GRAMD4: variants seen among roughly 807,000 people sequenced by gnomAD.
GRAMD4 encodes GRAM domain-containing protein 4.
In GRAMD4, 25 loss-of-function variants were observed where a neutral mutation model predicts 83.9. The observed-to-expected ratio is 0.30, with a 90% CI of 0.22 to 0.42. The LOEUF (loss-of-function observed/expected upper bound fraction) is 0.42, where lower values mean the gene tolerates loss of function less well. Ranked by LOEUF, GRAMD4 falls within the 10% of genes least tolerant of loss-of-function variation. GRAMD4 has a pLI of 1.00. For missense variants in GRAMD4, 593 were observed against 788.7 expected (o/e 0.75, Z 2.97); for synonymous variants, 336 against 320.9 (o/e 1.05, Z -0.50).
intron 1 of GRAMD4, among the ~76,000 whole-genome samples, chr22:46,596,562 G>A (rs186728963): frequency 1.6e-4 from 25 of 152,084 alleles, no homozygotes; most frequent in Admixed American, 1.4e-3. Flanking sequence ...TTTCTGAGAC[G>A]GAGTCTCATG....
upstream of GRAMD4, chr22:46,576,995 C>G (rs1022009296): frequency 6.9e-6 from 1 of 145,282 alleles, no homozygotes; most frequent in Non-Finnish European, 1.5e-5. Context: ...GGCCGCGGGG[C>G]GGGGGCGGGG....
chr22:46,643,141 T>TCCA (rs2082005534), intron 3 of GRAMD4, among the ~76,000 whole-genome samples: 13 of 4,538 alleles, frequency 2.9e-3, no homozygotes, highest in Admixed American at 0.012. Flanking sequence ...CCATGCATCC[T>TCCA]TCCATCCATC....
intron 3 of GRAMD4, among the ~76,000 whole-genome samples, chr22:46,651,108 C>A (rs531040274): frequency 6.6e-6 from 1 of 152,318 alleles, no homozygotes; most frequent in South Asian, 2.1e-4. Flanking sequence ...AATGAGACGG[C>A]TGATGTGCCT....
chr22:46,625,428 C>G (rs538313917), intron 1 of GRAMD4, among the ~76,000 whole-genome samples: 28 of 152,350 alleles, frequency 1.8e-4, no homozygotes, highest in Non-Finnish European at 3.4e-4. Context: ...CCATGCTGCC[C>G]GCCCCAAGCA....
At chr22:46,582,865 CT>C (rs2081111684) in intron 1 of GRAMD4, among the ~76,000 whole-genome samples, 1 of 152,220 alleles carries the variant, frequency 6.6e-6, no homozygotes, top group Admixed American at 6.5e-5. Flanking sequence ...GAACCTGGGC[CT>C]TCTAGACACT....
Position 46,665,862 on chromosome 22 carries a change from C to T in GRAMD4, c.809+156C>T, listed in dbSNP as rs76980307. Among the ~76,000 whole-genome samples the T allele has an allele frequency of 9.6e-3, 1,468 of 152,318 alleles. 12 individuals are homozygous for T. Among genetic ancestry groups the T allele is most frequent in the African/African-American group, 0.023 (954 of 41,584 alleles). Reference sequence around the variant, plus strand: ...GGCTCCAGAGACCCCCCAGGCAGGGCGGCTGCCCCCTCCCTGGTTTGCTAG... The same window carrying T: ...GGCTCCAGAGACCCCCCAGGCAGGGTGGCTGCCCCCTCCCTGGTTTGCTAG... On this transcript the variant is annotated intron_variant, in intron 9 of 18. Coordinates refer to ENST00000406902, the MANE Select transcript of GRAMD4 (RefSeq NM_015124.5).
chr22:46,587,986 C>G, intron 1 of GRAMD4: 2 of 978,416 alleles, frequency 2.0e-6, no homozygotes, highest in Non-Finnish European at 2.4e-6. Flanking sequence ...AGGGCCTGGT[C>G]AGGAGGGGCA....
chr22:46,588,143 G>A (rs915429544), intron 1 of GRAMD4, among the ~76,000 whole-genome samples: 2 of 152,080 alleles, frequency 1.3e-5, no homozygotes, highest in African/African-American at 4.8e-5. Context: ...CGGACATCTA[G>A]AGCTGTGACT....
At chr22:46,647,193 C>G (rs932113072) in intron 3 of GRAMD4, among the ~76,000 whole-genome samples, 2 of 152,136 alleles carry the variant, frequency 1.3e-5, no homozygotes, top group South Asian at 4.1e-4. Context: ...TGACCCAGAC[C>G]TACAGAAGGG....
intron 1 of GRAMD4, among the ~76,000 whole-genome samples, chr22:46,613,332 C>A (rs1455498662): frequency 4.6e-5 from 7 of 152,208 alleles, no homozygotes; most frequent in Admixed American, 1.3e-4. Flanking sequence ...TTGAGATGAT[C>A]TGGTGGATAG....
At position 46,629,278 on chromosome 22, in the gene GRAMD4, C is replaced by T. The variant is rs527626074; in HGVS notation, c.162+2317C>T. ...CAGTATCCTCAGCTTTTAAGGGGGA[C>T]GGCAGTCTCGTCCACCCCCAGGCCT... is the stretch of plus-strand genomic sequence containing the variant. On this transcript the variant is annotated intron_variant, in intron 2 of 18. Transcript: ENST00000406902. 4.6e-5 allele frequency among the ~76,000 whole-genome samples: 7 copies of T among 152,152 alleles called. No individual in the cohort carries two copies. In the East Asian group the frequency reaches 1.2e-3, roughly 25 times the overall value.
At chr22:46,611,583 C>T (rs2081417331) in intron 1 of GRAMD4, among the ~76,000 whole-genome samples, 1 of 152,156 alleles carries the variant, frequency 6.6e-6, no homozygotes, top group Non-Finnish European at 1.5e-5. Context: ...GCTTGTCACT[C>T]TCGTCCTTTC....
At chr22:46,579,206 G>C (rs940852218) in intron 1 of GRAMD4, among the ~76,000 whole-genome samples, 1 of 152,184 alleles carries the variant, frequency 6.6e-6, no homozygotes, top group Non-Finnish European at 1.5e-5. Context: ...CCTTCACTGG[G>C]AAAGAACCAG....
chr22:46,666,188 C>T (rs1035616058), intron 9 of GRAMD4, among the ~76,000 whole-genome samples: 1 of 152,198 alleles, frequency 6.6e-6, no homozygotes, highest in African/African-American at 2.4e-5. Context: ...TCGTGTCACC[C>T]CTTATGCCCC....
intron 1 of GRAMD4, among the ~76,000 whole-genome samples, chr22:46,588,786 G>A (rs367981551): frequency 5.3e-5 from 8 of 151,720 alleles, no homozygotes; most frequent in East Asian, 3.9e-4. Context: ...TGACACTGGC[G>A]TCGGTCCGGG....
intron 1 of GRAMD4, among the ~76,000 whole-genome samples, chr22:46,597,691 G>A (rs902780955): frequency 3.3e-5 from 5 of 151,950 alleles, no homozygotes; most frequent in African/African-American, 9.7e-5. Context: ...GGGTTTCACC[G>A]TGTTAGCCAG....
chr22:46,631,002 G>T (rs2081766428), intron 2 of GRAMD4, among the ~76,000 whole-genome samples: 1 of 152,190 alleles, frequency 6.6e-6, no homozygotes, highest in African/African-American at 2.4e-5. Context: ...CCCCACCCCG[G>T]CCTCCACGCT....
chr22:46,591,223 A>G (rs2081204223), intron 1 of GRAMD4, among the ~76,000 whole-genome samples: 1 of 152,198 alleles, frequency 6.6e-6, no homozygotes, highest in Non-Finnish European at 1.5e-5. Flanking sequence ...GGACTTAAAC[A>G]GAAATTAACA....
Position 46,659,176 on chromosome 22 carries a change from C to T in GRAMD4, c.404+869C>T, listed in dbSNP as rs1569296032. ...CCACTCCAGCAACCTCCTGCTTCGGCCTCCCTCTCAGCCTCCACTCCAGCA... is the reference window on the plus strand; with the variant it reads ...CCACTCCAGCAACCTCCTGCTTCGGTCTCCCTCTCAGCCTCCACTCCAGCA... On this transcript the variant is annotated intron_variant, in intron 4 of 18. Coordinates refer to ENST00000406902, the MANE Select transcript of GRAMD4 (RefSeq NM_015124.5). The surrounding 1 kb of genome is among the most constrained non-coding windows in gnomAD (Gnocchi z 4.1). Among the ~76,000 whole-genome samples the T allele has an allele frequency of 6.6e-6, 1 of 151,970 alleles. No homozygotes were observed.
Sources: allele counts gnomAD v4.1 joint callset (sites outside exome capture counted in the v4.1 genomes callset), GRCh38; gene constraint gnomAD v4.1.1; non-coding constraint Gnocchi (gnomAD v3.1); transcripts MANE v1.5; gene names NCBI Gene and HGNC (gene_info 2026-07-23, HGNC 2026-07-21).